The following RGPD4 variants were observed in gnomAD, a reference collection of about 807,000 sequenced individuals.
RGPD4 encodes RANBP2 like and GRIP domain containing 4.
In RGPD4, 84 loss-of-function variants were observed where a neutral mutation model predicts 141.1. The observed-to-expected ratio is 0.60, with a 90% CI of 0.50 to 0.71. The LOEUF (loss-of-function observed/expected upper bound fraction) is 0.71, where lower values mean the gene tolerates loss of function less well. Among genes scored for constraint, RGPD4 ranks in the 30% least tolerant of loss-of-function variants. The pLI is 0.00. For synonymous variants in RGPD4, 298 were observed against 566.8 expected, an observed-to-expected ratio of 0.53 and a Z score of 6.74; for missense variants, 918 against 1,622.4, an observed-to-expected ratio of 0.57 and a Z score of 7.46.
At chr2:107,859,870 T>G in intron 12 of RGPD4, 25 bp downstream of exon 12, 2 of 1,566,778 alleles carry the variant, frequency 1.3e-6, no homozygotes, top group Non-Finnish European at 1.7e-6. Context: ...ATAAGCATTT[T>G]AAAAGAACAT....
At chr2:107,827,635 C>A (rs1476812997) in intron 1 of RGPD4, among the ~76,000 whole-genome samples, 8 of 50,972 alleles carry the variant, frequency 1.6e-4, no homozygotes, top group African/African-American at 3.7e-4. Context: ...CGTCATGGCT[C>A]CCGACGGGCG....
intron 1 of RGPD4, among the ~76,000 whole-genome samples, chr2:107,830,911 C>T (rs1681461049): frequency 6.6e-6 from 1 of 152,278 alleles, no homozygotes; most frequent in African/African-American, 2.4e-5. Context: ...TCTACTCCCT[C>T]ACATGTGCTT....
intron 1 of RGPD4, among the ~76,000 whole-genome samples, chr2:107,833,945 T>C (rs1470736897): frequency 6.6e-6 from 1 of 151,710 alleles, no homozygotes; most frequent in African/African-American, 2.4e-5. Flanking sequence ...ACGCAGAGGT[T>C]GCAGTGAGCT....
At chr2:107,879,216 T>TTTCAGTTTA in intron 20 of RGPD4, among the ~76,000 whole-genome samples, 1 of 44,004 alleles carries the variant, frequency 2.3e-5, no homozygotes, top group South Asian at 9.1e-4. Flanking sequence ...AAACTGACAG[T>TTTCAGTTTA]TTCAGTTTAT....
intron 1 of RGPD4, among the ~76,000 whole-genome samples, chr2:107,830,652 G>C (rs925997590): frequency 2.0e-4 from 31 of 151,978 alleles, no homozygotes; most frequent in African/African-American, 6.8e-4. Flanking sequence ...GTGAAGTTAG[G>C]TTTGAGTGAA....
intron 21 of RGPD4, among the ~76,000 whole-genome samples, chr2:107,880,485 G>A (rs1675329262): frequency 6.6e-6 from 1 of 151,386 alleles, no homozygotes; most frequent in African/African-American, 2.4e-5. Flanking sequence ...GGATGGTCTC[G>A]ATCTCCTGAC....
chr2:107,885,851 A>G (rs909545605), intron 22 of RGPD4, among the ~76,000 whole-genome samples: 2 of 151,810 alleles, frequency 1.3e-5, no homozygotes, highest in Non-Finnish European at 2.9e-5. Flanking sequence ...TCAGGAGTTC[A>G]AGACCAGCCT....
At chr2:107,833,932 G>T (rs530090864) in intron 1 of RGPD4, among the ~76,000 whole-genome samples, 2 of 152,028 alleles carry the variant, frequency 1.3e-5, no homozygotes, top group Non-Finnish European at 2.9e-5. Flanking sequence ...GCTTGTACCC[G>T]GGACGCAGAG....
Position 107,871,774 on chromosome 2 carries a change from A to G in RGPD4, c.3770A>G (p.Asp1257Gly), listed in dbSNP as rs748857454. The G allele has an allele frequency of 2.5e-6, 4 of 1,611,402 alleles. No homozygotes were observed. In the East Asian group the frequency reaches 6.7e-5, roughly 27 times the overall value. ...TGGGATAACTGTGATTTAAGGGAAG[A>G]TGCTTTGGATGATAGTGTCAGTAGT... ...LEWDNCDLRE[D>G]ALDDSVSSSS... Residue 1257 changes from aspartate (D) to glycine (G), a missense_variant, in exon 20 of 23, where the codon GAT becomes GGT. Coordinates refer to ENST00000408999, the MANE Select transcript of RGPD4 (RefSeq NM_182588.3).
At chr2:107,854,323 C>T (rs932359677) in intron 7 of RGPD4, among the ~76,000 whole-genome samples, 23 of 151,640 alleles carry the variant, frequency 1.5e-4, no homozygotes, top group African/African-American at 5.1e-4. Flanking sequence ...CTTGGCCTCC[C>T]AGACAGAGTG....
chr2:107,828,313 G>A (rs1262873727), intron 1 of RGPD4, among the ~76,000 whole-genome samples: 20 of 27,874 alleles, frequency 7.2e-4, no homozygotes, highest in Non-Finnish European at 9.7e-4. Flanking sequence ...CTGTTGAGGC[G>A]GCGGCCTCGA....
At chr2:107,887,120 T>C (rs1006610176) in intron 22 of RGPD4, among the ~76,000 whole-genome samples, 1 of 150,830 alleles carries the variant, frequency 6.6e-6, no homozygotes, top group African/African-American at 2.4e-5. Flanking sequence ...CATGTGCCCA[T>C]AGTCCTAGCT....
rs747724256 is a variant in RGPD4 at position 107,871,028 on chromosome 2, C to G, written c.3024C>G (p.Cys1008Trp). 6.8e-6 allele frequency: 11 copies of G among 1,610,838 alleles called. No individual in the cohort carries two copies. The highest frequency in any genetic ancestry group is 9.3e-6 in the Non-Finnish European group (11 of 1,179,790). ...GAGAAAAATTATTCTCATCACAATG[C>G]GGTAAAATGGCCAATAAAGCAAACA... ...GAGEKLFSSQ[C>W]GKMANKANTS... Residue 1008 changes from cysteine to tryptophan, a missense_variant, in exon 20 of 23, where the codon TGC becomes TGG. Coordinates refer to ENST00000408999, the MANE Select transcript of RGPD4 (RefSeq NM_182588.3).
chr2:107,884,898 T>C (rs892213559), intron 22 of RGPD4, among the ~76,000 whole-genome samples: 34 of 152,118 alleles, frequency 2.2e-4, no homozygotes, highest in African/African-American at 4.8e-4. Context: ...TGAAAACCCC[T>C]GGTCTAGAGG....
At chr2:107,867,556 C>T (rs1480452317) in intron 18 of RGPD4, among the ~76,000 whole-genome samples, 5 of 144,698 alleles carry the variant, frequency 3.5e-5, no homozygotes, top group Non-Finnish European at 7.5e-5. Context: ...GCTAGCCTTT[C>T]CTGGGGCTTT....
intron 22 of RGPD4, among the ~76,000 whole-genome samples, chr2:107,885,657 A>G (rs1032196272): frequency 6.6e-6 from 1 of 152,192 alleles, no homozygotes; most frequent in Non-Finnish European, 1.5e-5. Context: ...ATTATTTACT[A>G]CTTGTCTCTT....
chr2:107,830,138 C>T (rs1439069203), intron 1 of RGPD4, among the ~76,000 whole-genome samples: 1 of 151,934 alleles, frequency 6.6e-6, no homozygotes, highest in African/African-American at 2.4e-5. Flanking sequence ...CTCCCTCGCC[C>T]CCATCCCCGC....
chr2:107,844,823 C>CTTTCTTTTTTTTTTTTT (rs1681859004), intron 6 of RGPD4, among the ~76,000 whole-genome samples: 5 of 53,854 alleles, frequency 9.3e-5, no homozygotes, highest in Non-Finnish European at 1.6e-4. Context: ...TTCTTTCTTT[C>CTTTCTTTTTTTTTTTTT]TTTTTTGTTT....
intron 7 of RGPD4, among the ~76,000 whole-genome samples, chr2:107,849,362 CTTTT>C (rs60901392): frequency 1.2e-4 from 9 of 73,400 alleles, no homozygotes; most frequent in African/African-American, 4.5e-4. Flanking sequence ...CGCGCCTGGC[CTTTT>C]TTTTTTTTTT....
Sources: allele counts gnomAD v4.1 joint callset (sites outside exome capture counted in the v4.1 genomes callset), GRCh38; gene constraint gnomAD v4.1.1; transcripts MANE v1.5; gene names NCBI Gene and HGNC (gene_info 2026-07-23, HGNC 2026-07-21).